The following FRMD4B variants were observed in gnomAD, a reference collection of about 807,000 sequenced individuals.
The protein encoded by FRMD4B is FERM domain containing 4B.
In FRMD4B, 74 loss-of-function variants were observed where a neutral mutation model predicts 141.5. The observed-to-expected ratio is 0.52, with a 90% CI of 0.43 to 0.63. FRMD4B has a LOEUF of 0.63. Ranked by LOEUF, FRMD4B falls within the 30% of genes least tolerant of loss-of-function variation. FRMD4B has a pLI of 0.00. For synonymous variants in FRMD4B, 506 were observed against 467.9 expected (o/e 1.08, Z -1.05); for missense variants, 1,366 against 1,253.4 (o/e 1.09, Z -1.36).
intron 1 of FRMD4B, among the ~76,000 whole-genome samples, chr3:69,336,744 T>A (rs776535912): frequency 6.6e-6 from 1 of 152,052 alleles, no homozygotes; most frequent in Non-Finnish European, 1.5e-5. Flanking sequence ...GGTCAGGAGT[T>A]CGAGACCAGC....
At chr3:69,254,433 GT>G (rs2093480628) in intron 5 of FRMD4B, among the ~76,000 whole-genome samples, 1 of 152,134 alleles carries the variant, frequency 6.6e-6, no homozygotes, top group Non-Finnish European at 1.5e-5. Flanking sequence ...TTGAGTGAAA[GT>G]TTGATGAGAA....
intron 1 of FRMD4B, among the ~76,000 whole-genome samples, chr3:69,372,756 T>C (rs974230270): frequency 6.6e-6 from 1 of 152,360 alleles, no homozygotes; most frequent in South Asian, 2.1e-4. Context: ...TGTATTATGG[T>C]CCACTCTTTT....
rs1706385484 is a variant in FRMD4B, at chr3:69,496,270, T to G, written c.-129+45936A>C. On this transcript the variant is annotated intron_variant, in intron 1 of 5. Coordinates refer to the FRMD4B transcript ENST00000459638. ...GCTTTGAAATTTGTTAATACTGCACTCTTTAGAGGTTTTGTTATTTCAGGA... is the reference window on the plus strand; with the variant it reads ...GCTTTGAAATTTGTTAATACTGCACGCTTTAGAGGTTTTGTTATTTCAGGA... Among the ~76,000 whole-genome samples the G allele has an allele frequency of 2.6e-5, 4 of 152,178 alleles. 1 individual carries two copies. In the South Asian group the frequency reaches 8.3e-4, roughly 32 times the overall value.
At position 69,196,913 on chromosome 3, in the gene FRMD4B, C is replaced by T. The variant is rs763965475; in HGVS notation, c.1079G>A (p.Arg360Gln). Residue 360 changes from arginine (R) to glutamine (Q), a missense_variant, in exon 13 of 23, where the codon CGG (arginine) becomes CAG (glutamine). Coordinates refer to ENST00000398540, the MANE Select transcript of FRMD4B (RefSeq NM_015123.3). ...CCAGTTACTTACTTTGCTTTGCTTC[C>T]GGTCCAAGTAAAACTGATGCTGACT... The part of the protein sequence containing the change: ...AISQHQFYLD[R>Q]KQSKAKIPSA... 3.9e-5 allele frequency: 63 copies of T among 1,610,398 alleles called. No individual in the cohort carries two copies. In the Admixed American group the frequency reaches 5.2e-4, roughly 13 times the overall value.
At chr3:69,283,402 A>AACAACAAC (rs58620572) in intron 5 of FRMD4B, among the ~76,000 whole-genome samples, 66,479 of 108,692 alleles carry the variant, frequency 0.61, 15,942 homozygotes, top group Non-Finnish European at 0.67. Context: ...CAACAACAAC[A>AACAACAAC]AACAAAAAAC....
intron 1 of FRMD4B, among the ~76,000 whole-genome samples, chr3:69,476,403 G>A (rs1007998796): frequency 1.3e-5 from 2 of 152,182 alleles, no homozygotes; most frequent in African/African-American, 4.8e-5. Context: ...AAGGGATCCA[G>A]TTTCAGCTTT....
Position 69,185,300 on chromosome 3 carries a change from C to CAA in FRMD4B, c.1919+2468_1919+2469dup, listed in dbSNP as rs1237352393. Among the ~76,000 whole-genome samples, 373 of 67,802 alleles carry CAA rather than the reference C, an allele frequency of 5.5e-3. 1 individual carries two copies. Among genetic ancestry groups the CAA allele is most frequent in the Non-Finnish European group, 9.5e-3 (297 of 31,124 alleles). The allele number at this position is 67,802 out of a possible 152,430, so 44.5% of individuals were successfully genotyped here. On this transcript the variant is annotated intron_variant, in intron 19 of 22. Coordinates refer to ENST00000398540, the MANE Select transcript of FRMD4B (RefSeq NM_015123.3). ...TGGGTGGCAGAGTGAGACTCCGTCT[C>CAA]AAAAAAAAAAAAAAAAGAAAAGAAA...
intron 1 of FRMD4B, among the ~76,000 whole-genome samples, chr3:69,526,217 T>C (rs1030858071): frequency 6.6e-6 from 1 of 152,188 alleles, no homozygotes; most frequent in Admixed American, 6.5e-5. Context: ...ATAAATACCT[T>C]GGCTCCCTCG....
At chr3:69,230,632 C>T (rs773202320) in intron 7 of FRMD4B, among the ~76,000 whole-genome samples, 9 of 151,768 alleles carry the variant, frequency 5.9e-5, no homozygotes, top group Non-Finnish European at 1.2e-4. Context: ...CCTGTAATCC[C>T]AGCTACTTGG....
chr3:69,499,325 G>A (rs930623186), intron 1 of FRMD4B, among the ~76,000 whole-genome samples: 9 of 152,182 alleles, frequency 5.9e-5, no homozygotes, highest in Non-Finnish European at 4.4e-5. Flanking sequence ...TTCCTGCTAG[G>A]TCCTGTGTGG....
intron 1 of FRMD4B, among the ~76,000 whole-genome samples, chr3:69,530,362 T>C (rs975500906): frequency 1.3e-5 from 2 of 152,206 alleles, no homozygotes; most frequent in Admixed American, 6.5e-5. Context: ...CTATTGGTTT[T>C]CACAAGAGCT....
chr3:69,311,660 T>C (rs1476384952), intron 2 of FRMD4B, among the ~76,000 whole-genome samples: 2 of 152,114 alleles, frequency 1.3e-5, no homozygotes, highest in African/African-American at 4.8e-5. Context: ...AAATACTCTT[T>C]TATATGTAAC....
At chr3:69,520,601 A>G (rs551774026) in intron 1 of FRMD4B, among the ~76,000 whole-genome samples, 27 of 151,970 alleles carry the variant, frequency 1.8e-4, no homozygotes, top group African/African-American at 6.5e-4. Context: ...GAGGGAGCTA[A>G]CACCCAAGAA....
chr3:69,333,793 C>A (rs556093876), intron 1 of FRMD4B, among the ~76,000 whole-genome samples: 8 of 152,270 alleles, frequency 5.3e-5, no homozygotes, highest in Admixed American at 2.6e-4. Context: ...TTTTTGAGCA[C>A]CTACTCTGTG....
At chr3:69,344,511 T>G (rs1702863124) in intron 1 of FRMD4B, among the ~76,000 whole-genome samples, 1 of 152,218 alleles carries the variant, frequency 6.6e-6, no homozygotes, top group Admixed American at 6.5e-5. Context: ...AGCATTAGTC[T>G]AATCCCTTCA....
chr3:69,492,877 T>C (rs1706323802), intron 1 of FRMD4B, among the ~76,000 whole-genome samples: 1 of 152,362 alleles, frequency 6.6e-6, no homozygotes, highest in South Asian at 2.1e-4. Context: ...AGTTACATTT[T>C]AGTCCTCTTG....
chr3:69,179,503 G>A (rs1417446552), intron 21 of FRMD4B, among the ~76,000 whole-genome samples: 1 of 152,172 alleles, frequency 6.6e-6, no homozygotes, highest in Non-Finnish European at 1.5e-5. Context: ...TCATATGTTA[G>A]ATGTGGTAAT....
chr3:69,350,460 CAT>C (rs1202848363), intron 1 of FRMD4B, among the ~76,000 whole-genome samples: 1 of 152,104 alleles, frequency 6.6e-6, no homozygotes, highest in Non-Finnish European at 1.5e-5. Flanking sequence ...TTGACCCAGC[CAT>C]CCCATTACTG....
chr3:69,450,872 T>A (rs1419352875), intron 1 of FRMD4B, among the ~76,000 whole-genome samples: 1 of 152,252 alleles, frequency 6.6e-6, no homozygotes, highest in Admixed American at 6.5e-5. Context: ...AGTCATTTTC[T>A]GATGGCCTTC....
Sources: gnomAD v4.1 joint callset for allele counts (sites outside exome capture counted in the v4.1 genomes callset) on GRCh38, gnomAD v4.1.1 for gene constraint, MANE v1.5 for transcripts, NCBI Gene and HGNC (gene_info 2026-07-23, HGNC 2026-07-21) for gene names.